TNS3: variants seen among roughly 807,000 people sequenced by gnomAD.
TNS3 encodes the protein tensin-3.
A neutral mutation model predicts 140.9 loss-of-function variants in TNS3; 45 were observed. The observed-to-expected ratio is 0.32, with a 90% CI of 0.25 to 0.41. The LOEUF (loss-of-function observed/expected upper bound fraction) is 0.41, where lower values mean the gene tolerates loss of function less well. Ranked by LOEUF, TNS3 falls within the 10% of genes least tolerant of loss-of-function variation. The pLI is 1.00. For missense variants in TNS3, 1,716 were observed against 1,906.7 expected (o/e 0.90, Z 1.86); for synonymous variants, 815 against 788.4 (o/e 1.03, Z -0.56).
chr7:47,360,854 A>G (rs139842380), intron 17 of TNS3, among the ~76,000 whole-genome samples: 8 of 152,334 alleles, frequency 5.3e-5, no homozygotes, highest in Admixed American at 2.0e-4. Flanking sequence ...CTGCTCAGTT[A>G]TAACACACAG....
At chr7:47,538,032 C>G (rs1050237013) in intron 1 of TNS3, among the ~76,000 whole-genome samples, 21 of 150,884 alleles carry the variant, frequency 1.4e-4, no homozygotes, top group African/African-American at 4.9e-4. Context: ...TCTGAAGTCC[C>G]GTCTTCCTTT....
chr7:47,357,285 T>C (rs1380523319), intron 17 of TNS3, among the ~76,000 whole-genome samples: 1 of 152,202 alleles, frequency 6.6e-6, no homozygotes, highest in African/African-American at 2.4e-5. Context: ...GTGTGCCTGA[T>C]AGGTTCTGGA....
chr7:47,553,136 T>C (rs1800105902), intron 1 of TNS3, among the ~76,000 whole-genome samples: 1 of 152,210 alleles, frequency 6.6e-6, no homozygotes, highest in Non-Finnish European at 1.5e-5. Flanking sequence ...TAGCAGAGGT[T>C]GGCTCAAGAG....
At chr7:47,479,493 C>T (rs569296802) in intron 4 of TNS3, among the ~76,000 whole-genome samples, 29 of 151,596 alleles carry the variant, frequency 1.9e-4, no homozygotes, top group Admixed American at 3.9e-4. Flanking sequence ...CCCCCACCCC[C>T]CCGTCGGCGG....
At chr7:47,440,392 G>A (rs938012178) in intron 5 of TNS3, among the ~76,000 whole-genome samples, 1 of 152,216 alleles carries the variant, frequency 6.6e-6, no homozygotes, top group Admixed American at 6.5e-5. Context: ...CTAGCCACAG[G>A]CCAGGTGGAT....
chr7:47,289,065 T>C (rs1785566079), intron 27 of TNS3, among the ~76,000 whole-genome samples: 1 of 152,188 alleles, frequency 6.6e-6, no homozygotes, highest in East Asian at 1.9e-4. Flanking sequence ...ACTTAAACAC[T>C]ACAAAATTCC....
intron 5 of TNS3, among the ~76,000 whole-genome samples, chr7:47,440,373 C>T (rs1795407052): frequency 6.6e-6 from 1 of 152,124 alleles, no homozygotes; most frequent in South Asian, 2.1e-4. Flanking sequence ...CCGCTGGGAC[C>T]CCACCCAGCT....
intron 26 of TNS3, among the ~76,000 whole-genome samples, chr7:47,292,571 A>C (rs1318088156): frequency 6.6e-6 from 1 of 152,260 alleles, no homozygotes. Flanking sequence ...TTTAAACTAC[A>C]GAATCTTTGC....
chr7:47,513,034 C>T (rs1798662947), intron 2 of TNS3, among the ~76,000 whole-genome samples: 1 of 152,136 alleles, frequency 6.6e-6, no homozygotes, highest in Admixed American at 6.5e-5. Flanking sequence ...AGAAACTGAC[C>T]TTTTCTGAGG....
At chr7:47,292,795 C>T in intron 26 of TNS3, 33 bp downstream of exon 26, 5 of 1,601,402 alleles carry the variant, frequency 3.1e-6, no homozygotes, top group Non-Finnish European at 4.3e-6. Flanking sequence ...AGACAATCTA[C>T]ACAGAGCCTG....
chr7:47,380,914 G>A (rs905630821), intron 16 of TNS3, among the ~76,000 whole-genome samples: 2 of 152,156 alleles, frequency 1.3e-5, no homozygotes, highest in Non-Finnish European at 2.9e-5. Context: ...GGGCGGGGGC[G>A]TGCCACCTCC....
chr7:47,363,581 T>C (rs748678175), intron 17 of TNS3, among the ~76,000 whole-genome samples: 2 of 152,214 alleles, frequency 1.3e-5, no homozygotes, highest in Non-Finnish European at 2.9e-5. Context: ...GAGGTCTCTG[T>C]GACAAACCTT....
intron 1 of TNS3, among the ~76,000 whole-genome samples, chr7:47,562,923 A>G (rs2152000845): frequency 6.6e-6 from 1 of 152,350 alleles, no homozygotes; most frequent in South Asian, 2.1e-4. Context: ...GGGTTTCAGG[A>G]CAACTCCATG....
chr7:47,454,515 T>A (rs1431709480), intron 4 of TNS3, among the ~76,000 whole-genome samples: 2 of 152,126 alleles, frequency 1.3e-5, no homozygotes, highest in Non-Finnish European at 2.9e-5. Context: ...GCACTCATCA[T>A]CAGCCCTGGG....
intron 20 of TNS3, among the ~76,000 whole-genome samples, chr7:47,320,949 C>T (rs1248155221): frequency 2.6e-5 from 4 of 152,168 alleles, no homozygotes; most frequent in Non-Finnish European, 4.4e-5. Context: ...GGCAAGCACT[C>T]GAAAGATCCA....
chr7:47,537,965 C>T (rs1373551360), intron 1 of TNS3, among the ~76,000 whole-genome samples: 1 of 109,172 alleles, frequency 9.2e-6, no homozygotes, highest in Non-Finnish European at 1.9e-5. Flanking sequence ...TCCCTCACCG[C>T]ACCCCCCCCA....
At chr7:47,425,030 C>T (rs1794574386) in intron 9 of TNS3, among the ~76,000 whole-genome samples, 1 of 152,138 alleles carries the variant, frequency 6.6e-6, no homozygotes, top group South Asian at 2.1e-4. Context: ...TCCTTAAAAC[C>T]CTGATAGGCT....
At chr7:47,344,448 C>T (rs1360350052) in intron 20 of TNS3, among the ~76,000 whole-genome samples, 6 of 152,184 alleles carry the variant, frequency 3.9e-5, no homozygotes, top group Admixed American at 2.6e-4. Context: ...TGGGCATTCT[C>T]GTTTCTTCAA....
intron 3 of TNS3, among the ~76,000 whole-genome samples, chr7:47,486,171 TGA>T (rs1319439586): frequency 3.3e-5 from 5 of 152,186 alleles, no homozygotes; most frequent in East Asian, 1.9e-4. Flanking sequence ...TGTGTAAGTT[TGA>T]GAGTGTTGTG....
Sources: allele counts gnomAD v4.1 joint callset (sites outside exome capture counted in the v4.1 genomes callset), GRCh38; gene constraint gnomAD v4.1.1; transcripts MANE v1.5; gene names NCBI Gene and HGNC (gene_info 2026-07-23, HGNC 2026-07-21).